AIFM1: variants seen among roughly 807,000 people sequenced by gnomAD.
AIFM1 encodes the protein apoptosis inducing factor mitochondria associated 1, also known as apoptosis-inducing factor 1, mitochondrial.
AIFM1 carries 3 observed loss-of-function variants against 51.7 expected under a neutral mutation model. The ratio of observed to expected loss-of-function variants is 0.06; its 90% CI spans 0.03 to 0.15. The LOEUF (loss-of-function observed/expected upper bound fraction) is 0.15, where lower values mean the gene tolerates loss of function less well. Ranked by LOEUF, AIFM1 falls within the 10% of genes least tolerant of loss-of-function variation. The probability of loss-of-function intolerance (pLI) is 1.00; values close to 1 mark genes in which losing one functional copy is unlikely to be tolerated. For synonymous variants in AIFM1, 178 were observed against 179.4 expected (o/e 0.99, Z 0.06); for missense variants, 330 against 476.8 (o/e 0.69, Z 2.87).
intron 9 of AIFM1, chrX:130,137,466 G>A: frequency 8.6e-7 from 1 of 1,167,591 alleles, no homozygotes; most frequent in Non-Finnish European, 1.1e-6. Context: ...GCTTACATAA[G>A]TGCTTTGCAA....
At chrX:130,160,947 T>A (rs923198559) in intron 1 of AIFM1, among the ~76,000 whole-genome samples, 62 of 110,791 alleles carry the variant, frequency 5.6e-4, no homozygotes, top group African/African-American at 1.3e-3. Flanking sequence ...GAGTTTTTTT[T>A]AAAAAAAGCT....
At position 130,131,387 on chromosome X, in the gene AIFM1, G is replaced by T. The variant is rs189980927; in HGVS notation, c.1573+288C>A. ...TTTTCTTGTTTTCTTCCTTAGAAAG[G>T]TCTTCCCAGAGACACACAAAACAGC... On this transcript the variant is annotated intron_variant, in intron 14 of 15. Transcript: ENST00000287295. Among the ~76,000 whole-genome samples, 28 of 112,342 alleles carry T rather than the reference G, an allele frequency of 2.5e-4. No homozygotes were observed. The East Asian group carries it at 7.2e-3, about 29-fold the overall frequency.
At chrX:130,133,795 ATTT>A in intron 12 of AIFM1, among the ~76,000 whole-genome samples, 1 of 99,864 alleles carries the variant, frequency 1.0e-5, no homozygotes, top group Admixed American at 1.1e-4. Context: ...GCCTGGCTAA[ATTT>A]TTTTTTTTTT....
At chrX:130,133,276 T>C (rs1204787132) in intron 13 of AIFM1, 37 bp downstream of exon 13, 1 of 1,202,664 alleles carries the variant, frequency 8.3e-7, no homozygotes, top group African/African-American at 1.8e-5. Context: ...GATACTGAGT[T>C]GTAATCAGTT....
At chrX:130,158,242 C>G (rs1024356036) in intron 1 of AIFM1, among the ~76,000 whole-genome samples, 3 of 108,977 alleles carry the variant, frequency 2.8e-5, no homozygotes, top group African/African-American at 1.0e-4. Flanking sequence ...CCAGACTGGG[C>G]AACGAGAGCG....
At position 130,165,806 on chromosome X, in the gene AIFM1, A is replaced by G; in HGVS notation, c.-150T>C. ...TCCCAGCTCCGGGTGGGCATTGGAC[A>G]GAGAAGCCGGCCTGCTAGAGCCGGG... On this transcript the variant is annotated 5_prime_UTR_variant, in exon 1 of 16. Transcript: ENST00000287295. 1 of 544,673 alleles carries G rather than the reference A, an allele frequency of 1.8e-6. No individual in the cohort carries two copies. Among genetic ancestry groups the G allele is most frequent in the Admixed American group, 2.7e-5 (1 of 37,466 alleles). 44.9% of individuals were successfully genotyped at this position (544,673 alleles called of 1,213,427 possible).
intron 1 of AIFM1, among the ~76,000 whole-genome samples, chrX:130,159,865 A>G (rs1215749665): frequency 9.2e-6 from 1 of 108,756 alleles, no homozygotes; most frequent in Admixed American, 9.9e-5. Flanking sequence ...TCTGTCCCCA[A>G]GCTGGAGTGC....
chrX:130,137,860 C>T, intron 9 of AIFM1: 1 of 528,102 alleles, frequency 1.9e-6, no homozygotes, highest in Non-Finnish European at 2.4e-6. Flanking sequence ...GTTGGGAGTT[C>T]AAGACCAGCC....
chrX:130,143,918 G>C (rs1056089335), intron 6 of AIFM1, among the ~76,000 whole-genome samples: 1 of 111,419 alleles, frequency 9.0e-6, no homozygotes, highest in Non-Finnish European at 1.9e-5. Flanking sequence ...GAATAGCTGG[G>C]TTCCAATTCT....
At chrX:130,131,895 C>T (rs1387818132) in intron 13 of AIFM1, 96 bp from the exon 14 acceptor site, 23 of 1,044,437 alleles carry the variant, frequency 2.2e-5, no homozygotes, top group African/African-American at 7.5e-5. Flanking sequence ...TTTTTTGAGA[C>T]GGAGTTTCAC....
chrX:130,129,741 G>T, intron 15 of AIFM1, 113 bp from the exon 16 acceptor site: 1 of 815,229 alleles, frequency 1.2e-6, no homozygotes, highest in South Asian at 2.1e-5. Flanking sequence ...AGGGAGTTGT[G>T]GGAACAGTTC....
intron 6 of AIFM1, among the ~76,000 whole-genome samples, chrX:130,144,655 G>C (rs1488922556): frequency 1.8e-5 from 2 of 111,112 alleles, no homozygotes; most frequent in Non-Finnish European, 3.8e-5. Context: ...CACTCTACTG[G>C]GCACCCTTCC....
chrX:130,147,431 T>C, intron 5 of AIFM1, 62 bp downstream of exon 5: 1 of 1,201,835 alleles, frequency 8.3e-7, no homozygotes, highest in Non-Finnish European at 1.1e-6. Context: ...AGTGGCAAAA[T>C]CCTAACCTAT....
intron 6 of AIFM1, among the ~76,000 whole-genome samples, chrX:130,141,167 A>T (rs2030565723): frequency 1.8e-5 from 2 of 112,193 alleles, no homozygotes; most frequent in South Asian, 7.3e-4. Context: ...AAAAACAAAC[A>T]AAAACAAAAA....
chrX:130,134,128 T>G (rs1385087346), intron 12 of AIFM1, among the ~76,000 whole-genome samples: 1 of 109,730 alleles, frequency 9.1e-6, no homozygotes, highest in Non-Finnish European at 1.9e-5. Flanking sequence ...TCCCAGCTAC[T>G]TGGGAGGCTG....
chrX:130,155,289 G>C (rs1241868084), intron 2 of AIFM1: 1 of 1,207,418 alleles, frequency 8.3e-7, no homozygotes, highest in African/African-American at 1.8e-5. Context: ...CTGCACAACT[G>C]TAGGTAAAGA....
chrX:130,160,927 ATAAACT>A (rs1224674644), intron 1 of AIFM1, among the ~76,000 whole-genome samples: 1 of 110,275 alleles, frequency 9.1e-6, no homozygotes, highest in African/African-American at 3.3e-5. Context: ...AAATGAAAAA[ATAAACT>A]TAAGAGTTTT....
intron 6 of AIFM1, among the ~76,000 whole-genome samples, chrX:130,144,179 T>A (rs1356321123): frequency 1.8e-5 from 2 of 111,334 alleles, no homozygotes; most frequent in African/African-American, 6.5e-5. Context: ...CTTCTTCTTC[T>A]TCATCATCAT....
chrX:130,137,181 T>C lies in AIFM1; in HGVS notation c.972A>G (p.Arg324=), dbSNP rs1309471211. ...GTTGAATCACTTCTGTGCCCAAGGC[T>C]CGAGCTGGGAAGAAGAAACAGAGTA... is the stretch of plus-strand genomic sequence containing the variant. ...ELACALGRKA[R]ALGTEVIQLF... is the part of the protein sequence containing the mutation. Residue 324 remains arginine, a synonymous_variant, in exon 10 of 16, where the codon CGA becomes CGG. Coordinates refer to ENST00000287295, the MANE Select transcript of AIFM1 (RefSeq NM_004208.4). 1 of 1,210,957 alleles carries C rather than the reference T, an allele frequency of 8.3e-7. No individual in the cohort carries two copies. The highest frequency in any genetic ancestry group is 1.1e-6 in the Non-Finnish European group (1 of 895,429).
Sources: gnomAD v4.1 joint callset for allele counts (sites outside exome capture counted in the v4.1 genomes callset) on GRCh38, gnomAD v4.1.1 for gene constraint, MANE v1.5 for transcripts, NCBI Gene and HGNC (gene_info 2026-07-23, HGNC 2026-07-21) for gene names.